The following LDB2 variants were observed in gnomAD, a reference collection of about 807,000 sequenced individuals.
The protein encoded by LDB2 is LIM domain binding 2.
In LDB2, 12 loss-of-function variants were observed where a neutral mutation model predicts 44.3. The observed-to-expected ratio is 0.27, with a 90% confidence interval of 0.17 to 0.44. LDB2 has a LOEUF of 0.44. Ranked by LOEUF, LDB2 falls within the 20% of genes least tolerant of loss-of-function variation. The pLI is 1.00. For missense variants in LDB2, 344 were observed against 473.5 expected (o/e 0.73, Z 2.54); for synonymous variants, 164 against 174.8 (o/e 0.94, Z 0.49).
At chr4:16,632,263 G>T (rs1033702182) in intron 2 of LDB2, among the ~76,000 whole-genome samples, 1 of 152,196 alleles carries the variant, frequency 6.6e-6, no homozygotes, top group African/African-American at 2.4e-5. Context: ...TTCCTGGGAT[G>T]CAAGGCTGGT....
At chr4:16,718,015 T>G (rs763667809) in intron 2 of LDB2, among the ~76,000 whole-genome samples, 5 of 152,150 alleles carry the variant, frequency 3.3e-5, no homozygotes, top group African/African-American at 7.2e-5. Flanking sequence ...TACAGTATGA[T>G]AGACAAAAAT....
chr4:16,528,059 C>T (rs1267878256), intron 5 of LDB2, among the ~76,000 whole-genome samples: 2 of 152,002 alleles, frequency 1.3e-5, no homozygotes, highest in Non-Finnish European at 2.9e-5. Flanking sequence ...GCATTAGCAA[C>T]AACCTGGATG....
chr4:16,739,483 G>A (rs746517812), intron 2 of LDB2, among the ~76,000 whole-genome samples: 3 of 146,868 alleles, frequency 2.0e-5, no homozygotes, highest in Non-Finnish European at 4.5e-5. Context: ...CCACTTAAGC[G>A]GCTGAGGCAC....
chr4:16,527,902 T>C (rs1372593759), intron 5 of LDB2, among the ~76,000 whole-genome samples: 1 of 152,122 alleles, frequency 6.6e-6, no homozygotes, highest in Admixed American at 6.6e-5. Flanking sequence ...AAGCATCAAG[T>C]TGTGTACTTA....
At chr4:16,763,073 CCA>C (rs57168902) in intron 1 of LDB2, among the ~76,000 whole-genome samples, 7,000 of 140,072 alleles carry the variant, frequency 0.05, 432 homozygotes, top group African/African-American at 0.15. Context: ...TTAGGTAACA[CCA>C]CACACACACA....
At chr4:16,547,034 A>C (rs150285018) in intron 5 of LDB2, among the ~76,000 whole-genome samples, 1 of 152,226 alleles carries the variant, frequency 6.6e-6, no homozygotes, top group Non-Finnish European at 1.5e-5. Context: ...AGTGAACACT[A>C]TTTGAAAATA....
chr4:16,617,390 C>A (rs1297982339), intron 2 of LDB2, among the ~76,000 whole-genome samples: 1 of 152,110 alleles, frequency 6.6e-6, no homozygotes, highest in East Asian at 1.9e-4. Context: ...TCGAGGCAGA[C>A]AATCCAATTT....
At chr4:16,826,163 A>C (rs1783026348) in intron 1 of LDB2, among the ~76,000 whole-genome samples, 3 of 151,666 alleles carry the variant, frequency 2.0e-5, no homozygotes. Context: ...ATAGATACAT[A>C]GATCCAGAGA....
At chr4:16,684,280 G>A (rs985270554) in intron 2 of LDB2, among the ~76,000 whole-genome samples, 2 of 152,220 alleles carry the variant, frequency 1.3e-5, no homozygotes, top group Non-Finnish European at 2.9e-5. Flanking sequence ...CTCGAAGCAA[G>A]CTAATCTCAG....
At chr4:16,753,958 C>T (rs1765974606) in intron 2 of LDB2, among the ~76,000 whole-genome samples, 1 of 152,176 alleles carries the variant, frequency 6.6e-6, no homozygotes, top group South Asian at 2.1e-4. Context: ...ACTTTACATG[C>T]ACCATCCCAT....
intron 5 of LDB2, among the ~76,000 whole-genome samples, chr4:16,520,570 G>A (rs1725673312): frequency 6.6e-6 from 1 of 152,164 alleles, no homozygotes; most frequent in Non-Finnish European, 1.5e-5. Flanking sequence ...TTCTCAGTCT[G>A]TTTGCAAATT....
chr4:16,683,426 C>T (rs1418474039), intron 2 of LDB2, among the ~76,000 whole-genome samples: 4 of 152,142 alleles, frequency 2.6e-5, no homozygotes, highest in Non-Finnish European at 5.9e-5. Context: ...CTAGTGCTAC[C>T]ATTAATTACA....
At chr4:16,827,896 T>A (rs1181318376) in intron 1 of LDB2, among the ~76,000 whole-genome samples, 1 of 152,176 alleles carries the variant, frequency 6.6e-6, no homozygotes, top group South Asian at 2.1e-4. Flanking sequence ...TTTCGTATCC[T>A]CTTATCTCCT....
chr4:16,717,348 G>A (rs1579031082), intron 2 of LDB2, among the ~76,000 whole-genome samples: 1 of 152,114 alleles, frequency 6.6e-6, no homozygotes, highest in East Asian at 1.9e-4. Flanking sequence ...GTAGTAGCTG[G>A]AGAAAACTGG....
At chr4:16,598,639 G>A (rs889198706) in intron 2 of LDB2, among the ~76,000 whole-genome samples, 5 of 152,034 alleles carry the variant, frequency 3.3e-5, no homozygotes, top group Admixed American at 6.6e-5. Context: ...TTTCAACCAC[G>A]CTAGCCACAA....
At chr4:16,630,373 A>C (rs1376753823) in intron 2 of LDB2, among the ~76,000 whole-genome samples, 2 of 152,244 alleles carry the variant, frequency 1.3e-5, no homozygotes, top group African/African-American at 4.8e-5. Context: ...AATCCTTTAC[A>C]GACAAGCAAA....
intron 2 of LDB2, among the ~76,000 whole-genome samples, chr4:16,707,099 A>G (rs953057742): frequency 1.3e-5 from 2 of 152,110 alleles, no homozygotes; most frequent in Non-Finnish European, 2.9e-5. Context: ...TAATAATCCC[A>G]TTTACTTAAT....
intron 1 of LDB2, among the ~76,000 whole-genome samples, chr4:16,792,609 T>C (rs1379482813): frequency 1.3e-5 from 2 of 152,204 alleles, no homozygotes; most frequent in Non-Finnish European, 2.9e-5. Flanking sequence ...TTTCGAAAGA[T>C]GCATCATGGT....
At chr4:16,757,438 C>A (rs1283979107) in intron 2 of LDB2, among the ~76,000 whole-genome samples, 1 of 152,054 alleles carries the variant, frequency 6.6e-6, no homozygotes, top group African/African-American at 2.4e-5. Flanking sequence ...CTTAAACAGG[C>A]GATGATCGTG....
Sources: gnomAD v4.1 joint callset for allele counts (sites outside exome capture counted in the v4.1 genomes callset) on GRCh38, gnomAD v4.1.1 for gene constraint, MANE v1.5 for transcripts, NCBI Gene and HGNC (gene_info 2026-07-23, HGNC 2026-07-21) for gene names.